RARB: variants seen among roughly 807,000 people sequenced by gnomAD.
RARB encodes retinoic acid receptor beta.
Under a neutral mutation model 51.9 loss-of-function variants are expected in RARB, and 17 were observed. That is an observed-to-expected ratio of 0.33 (90% CI 0.22 to 0.49). RARB has a LOEUF of 0.49. Ranked by LOEUF, RARB falls within the 20% of genes least tolerant of loss-of-function variation. RARB has a pLI of 0.99. For synonymous variants in RARB, 215 were observed against 195.4 expected, an observed-to-expected ratio of 1.10 and a Z score of -0.84; for missense variants, 369 against 550.8, an observed-to-expected ratio of 0.67 and a Z score of 3.30.
intron 5 of RARB, among the ~76,000 whole-genome samples, chr3:25,252,989 G>C (rs549003993): frequency 6.6e-6 from 1 of 152,132 alleles, no homozygotes; most frequent in Admixed American, 6.5e-5. Context: ...CTCCCTCTCT[G>C]TACCAATTTA....
chr3:24,889,612 T>A lies in RARB; in HGVS notation c.-380+30860T>A, dbSNP rs538178209. 3.3e-5 allele frequency among the ~76,000 whole-genome samples: 5 copies of A among 152,050 alleles called. No individual in the cohort carries two copies. The South Asian group carries it at 6.2e-4, about 19-fold the overall frequency. ...GAAAACTTTTTGTTTTTAATTTCTA[T>A]TATTTGAGTGGTATGTCTTTCTTCC... On this transcript the variant is annotated intron_variant, in intron 2 of 11. Transcript: ENST00000383772.
At chr3:25,482,352 T>C (rs1205328738) in intron 2 of RARB, among the ~76,000 whole-genome samples, 2 of 152,104 alleles carry the variant, frequency 1.3e-5, no homozygotes, top group Non-Finnish European at 2.9e-5. Context: ...AAGCTTTACT[T>C]GATTTGGCCT....
At chr3:25,139,988 T>G (rs1223989844) in intron 4 of RARB, among the ~76,000 whole-genome samples, 1 of 152,142 alleles carries the variant, frequency 6.6e-6, no homozygotes, top group African/African-American at 2.4e-5. Context: ...TTAAGCCTAT[T>G]TTTGAAACCT....
rs1277595510 is a variant in RARB at position 25,554,210 on chromosome 3, A to T, written c.449-15548A>T. Among the ~76,000 whole-genome samples, 5 of 147,824 alleles carry T rather than the reference A, an allele frequency of 3.4e-5. No homozygotes were observed. In the East Asian group the frequency reaches 9.9e-4, roughly 29 times the overall value. ...TGCTGTGCAGAAAATAACAACTGAC[A>T]TCTAGTATGTTGCCTGATAGCTGAA... On this transcript the variant is annotated intron_variant, in intron 3 of 7. Coordinates refer to ENST00000330688, the MANE Select transcript of RARB (RefSeq NM_000965.5).
chr3:25,149,209 T>C (rs374073761), intron 4 of RARB, among the ~76,000 whole-genome samples: 8 of 152,294 alleles, frequency 5.3e-5, no homozygotes, highest in African/African-American at 1.7e-4. Flanking sequence ...AAATATATAG[T>C]GGCATTACAA....
chr3:25,349,090 T>G (rs1705482538), intron 5 of RARB, among the ~76,000 whole-genome samples: 1 of 152,148 alleles, frequency 6.6e-6, no homozygotes, highest in African/African-American at 2.4e-5. Flanking sequence ...TACATTTCCC[T>G]TCCATCCACT....
At chr3:25,091,313 G>C (rs901065798) in intron 3 of RARB, among the ~76,000 whole-genome samples, 5 of 152,170 alleles carry the variant, frequency 3.3e-5, no homozygotes, top group Admixed American at 2.0e-4. Flanking sequence ...GTTGGAAGCT[G>C]AACCCAGCCT....
At chr3:25,068,042 G>A (rs1271047530) in intron 3 of RARB, among the ~76,000 whole-genome samples, 1 of 141,294 alleles carries the variant, frequency 7.1e-6, no homozygotes, top group Non-Finnish European at 1.5e-5. Context: ...GCTTAGGCAT[G>A]AGAACCACTT....
intron 5 of RARB, among the ~76,000 whole-genome samples, chr3:25,382,848 A>C (rs1048622930): frequency 2.0e-5 from 3 of 151,814 alleles, no homozygotes; most frequent in Admixed American, 2.0e-4. Context: ...ACAGACCAAG[A>C]CTCCATCTCA....
At chr3:25,057,269 A>C (rs1016908104) in intron 2 of RARB, among the ~76,000 whole-genome samples, 1 of 152,070 alleles carries the variant, frequency 6.6e-6, no homozygotes, top group African/African-American at 2.4e-5. Flanking sequence ...TGCAATAAGC[A>C]TTCTTGTGTT....
rs1384269025 is a variant in RARB at position 25,558,288 on chromosome 3, G to A, written c.449-11470G>A. 2.0e-5 allele frequency among the ~76,000 whole-genome samples: 3 copies of A among 152,052 alleles called. No individual in the cohort carries two copies. The East Asian group carries it at 5.8e-4, about 29-fold the overall frequency. ...CCATCCTTATTGCTCTGCTACAAAT[G>A]TTCTCTCGAAAGTCACAACTTTCTC... is the stretch of plus-strand genomic sequence containing the variant. On this transcript the variant is annotated intron_variant, in intron 3 of 7. Coordinates refer to ENST00000330688, the MANE Select transcript of RARB (RefSeq NM_000965.5).
At chr3:25,386,273 G>A (rs1706791593) in intron 5 of RARB, among the ~76,000 whole-genome samples, 7 of 152,076 alleles carry the variant, frequency 4.6e-5, no homozygotes, top group Admixed American at 4.6e-4. Context: ...GTGGGGAAAG[G>A]GAACAACCTC....
At chr3:25,592,404 C>CAG (rs1407395164) in intron 5 of RARB, among the ~76,000 whole-genome samples, 2 of 152,182 alleles carry the variant, frequency 1.3e-5, no homozygotes, top group Non-Finnish European at 1.5e-5. Context: ...GAAACTTTTT[C>CAG]AGAGAGAAAA....
intron 5 of RARB, among the ~76,000 whole-genome samples, chr3:25,216,289 T>C (rs1271108483): frequency 2.0e-5 from 3 of 152,204 alleles, no homozygotes; most frequent in Non-Finnish European, 4.4e-5. Flanking sequence ...CTTTATACTT[T>C]TATCAGCCAA....
chr3:25,156,400 G>A (rs1700374264), intron 4 of RARB, among the ~76,000 whole-genome samples: 1 of 151,720 alleles, frequency 6.6e-6, no homozygotes, highest in African/African-American at 2.4e-5. Flanking sequence ...TTGAGTGGAT[G>A]CAGTAAAATG....
chr3:25,420,316 C>T (rs9865116), intron 5 of RARB, among the ~76,000 whole-genome samples: 10,230 of 152,248 alleles, frequency 0.067, 391 homozygotes, highest in Middle Eastern at 0.1. Flanking sequence ...TTTTACATTC[C>T]CTTTCCCTGT....
At chr3:25,163,839 A>G (rs551100340) in intron 4 of RARB, among the ~76,000 whole-genome samples, 1 of 152,234 alleles carries the variant, frequency 6.6e-6, no homozygotes, top group East Asian at 1.9e-4. Flanking sequence ...GTTTCTTTTG[A>G]CCTTAGGAGG....
At chr3:25,033,918 A>T (rs1049817495) in intron 2 of RARB, among the ~76,000 whole-genome samples, 11 of 152,202 alleles carry the variant, frequency 7.2e-5, no homozygotes, top group African/African-American at 2.4e-4. Context: ...TCTCCTCATG[A>T]ATAGTTGAAA....
intron 5 of RARB, among the ~76,000 whole-genome samples, chr3:25,189,218 C>G (rs556226495): frequency 6.6e-5 from 10 of 152,256 alleles, no homozygotes; most frequent in African/African-American, 2.4e-4. Flanking sequence ...AAAAGCAGGT[C>G]CCTGCAGGGG....
Sources: allele counts gnomAD v4.1 joint callset (sites outside exome capture counted in the v4.1 genomes callset), GRCh38; gene constraint gnomAD v4.1.1; transcripts MANE v1.5; gene names NCBI Gene and HGNC (gene_info 2026-07-23, HGNC 2026-07-21).